ATRN: variants seen among roughly 807,000 people sequenced by gnomAD.
ATRN encodes attractin.
In ATRN, 54 loss-of-function variants were observed where a neutral mutation model predicts 178.7. The ratio of observed to expected loss-of-function variants is 0.30; its 90% CI spans 0.24 to 0.38. ATRN has a LOEUF of 0.38. ATRN is among the 10% of genes least tolerant of loss of function. ATRN has a pLI of 1.00. For synonymous variants in ATRN, 636 were observed against 663.0 expected, an observed-to-expected ratio of 0.96 and a Z score of 0.63; for missense variants, 1,443 against 1,815.1, an observed-to-expected ratio of 0.79 and a Z score of 3.73.
chr20:3,524,376 A>G (rs901712091), intron 1 of ATRN, among the ~76,000 whole-genome samples: 1 of 152,202 alleles, frequency 6.6e-6, no homozygotes, highest in Non-Finnish European at 1.5e-5. Context: ...TATGCTAAAT[A>G]TATATGCACC....
chr20:3,527,945 G>A (rs1281481029), intron 1 of ATRN, among the ~76,000 whole-genome samples: 1 of 152,108 alleles, frequency 6.6e-6, no homozygotes, highest in East Asian at 1.9e-4. Context: ...GGGAGGGACA[G>A]CATTAGGAGA....
intron 25 of ATRN, among the ~76,000 whole-genome samples, chr20:3,631,431 C>T (rs1226967450): frequency 6.6e-6 from 1 of 152,030 alleles, no homozygotes; most frequent in Non-Finnish European, 1.5e-5. Context: ...TTTCCAGACT[C>T]CGGGCACAGA....
At chr20:3,615,998 C>G (rs376376883) in intron 24 of ATRN, 1 of 190,152 alleles carries the variant, frequency 5.3e-6, no homozygotes, top group African/African-American at 2.5e-5. Flanking sequence ...ACATATGTAA[C>G]AAACCTGCAT....
chr20:3,624,980 A>T (rs1472324548), intron 25 of ATRN, among the ~76,000 whole-genome samples: 2 of 152,210 alleles, frequency 1.3e-5, no homozygotes, highest in Non-Finnish European at 2.9e-5. Context: ...TTTAAAGCTG[A>T]AAGTGATTTT....
At chr20:3,566,273 A>G (rs1005946439) in intron 11 of ATRN, among the ~76,000 whole-genome samples, 1 of 152,302 alleles carries the variant, frequency 6.6e-6, no homozygotes, top group East Asian at 1.9e-4. Flanking sequence ...TTATCGCTCA[A>G]AAATGCCTGG....
intron 1 of ATRN, chr20:3,490,764 T>G (rs994705326): frequency 1.3e-6 from 1 of 790,248 alleles, no homozygotes; most frequent in Non-Finnish European, 2.3e-6. Context: ...GAGTCTATTA[T>G]AGAATTCAGC....
chr20:3,629,068 T>C (rs1307189395), intron 25 of ATRN: 32 of 985,172 alleles, frequency 3.2e-5, no homozygotes, highest in Non-Finnish European at 3.7e-5. Flanking sequence ...TTCTCTTGCT[T>C]TCACTCAGCA....
chr20:3,487,138 T>G (rs1448607791), intron 1 of ATRN, among the ~76,000 whole-genome samples: 1 of 152,234 alleles, frequency 6.6e-6, no homozygotes, highest in African/African-American at 2.4e-5. Flanking sequence ...ATTTTTAATT[T>G]CTAGAGGTTT....
chr20:3,592,438 T>G (rs924361602), intron 19 of ATRN: 22 of 983,522 alleles, frequency 2.2e-5, no homozygotes, highest in Non-Finnish European at 2.3e-5. Context: ...GTCCTGTGTT[T>G]CCCCATTTAT....
At position 3,638,634 on chromosome 20, in the gene ATRN, T is replaced by C. The variant is rs183908042; in HGVS notation, c.3943-194T>C. Reference sequence around the variant, plus strand: ...CTCTGACAGGGGCTTTTAAAAAATATAAGGACAATGGTGTTATCACATCCA... The same window carrying C: ...CTCTGACAGGGGCTTTTAAAAAATACAAGGACAATGGTGTTATCACATCCA... On this transcript the variant is annotated intron_variant, in intron 26 of 28. Transcript: ENST00000262919. This position sits in a 1 kb window ranked among gnomAD's most constrained non-coding sequence, Gnocchi z 4.5. Among the ~76,000 whole-genome samples the C allele has an allele frequency of 3.3e-5, 5 of 152,180 alleles. No individual in the cohort carries two copies. Among genetic ancestry groups the C allele is most frequent in the African/African-American group, 9.7e-5 (4 of 41,424 alleles).
chr20:3,488,259 C>T (rs2084725422), intron 1 of ATRN, among the ~76,000 whole-genome samples: 1 of 152,016 alleles, frequency 6.6e-6, no homozygotes, highest in South Asian at 2.1e-4. Flanking sequence ...TTGTTGAAAT[C>T]TTTCCCTATT....
chr20:3,490,993 G>C lies in ATRN; in HGVS notation c.410+19476G>C. On this transcript the variant is annotated intron_variant, in intron 1 of 28. Transcript: ENST00000262919. The stretch of plus-strand genomic sequence containing the variant: ...TCATGATAGCGCCGCTGCTGCTCCA[G>C]TATTGTCTCCATCTTCCTTTAGCCG... The C allele has an allele frequency of 1.2e-5, 18 of 1,524,746 alleles. No homozygotes were observed. The South Asian group carries it at 1.9e-4, about 16-fold the overall frequency. The allele number at this position is 1,524,746 out of a possible 1,614,324, so 94.5% of individuals were successfully genotyped here.
In ATRN at chr20:3,584,677, G is replaced by C. The variant is rs571071214; in HGVS notation, c.2981G>C (p.Ser994Thr). Residue 994 changes from serine to threonine, a missense_variant, in exon 18 of 29, where the codon AGT becomes ACT. Around this residue, in one of 4 missense-constraint regions of ATRN, gnomAD observed 212 missense variants for 330.7 expected, o/e 0.64. Transcript: ENST00000262919. Reference sequence around the variant, plus strand: ...AATTGTTCAGGCTACTGTACCTGTAGTCATTGCTTGGAGCAACCAGGCTGT... The same window carrying C: ...AATTGTTCAGGCTACTGTACCTGTACTCATTGCTTGGAGCAACCAGGCTGT... ...PENCSGYCTC[S>T]HCLEQPGCGW... 1.9e-6 allele frequency: 3 copies of C among 1,613,676 alleles called. No individual in the cohort carries two copies.
chr20:3,590,720 T>A (rs544250457), intron 18 of ATRN, among the ~76,000 whole-genome samples: 8 of 152,156 alleles, frequency 5.3e-5, no homozygotes, highest in Non-Finnish European at 8.8e-5. Flanking sequence ...GGTGGTAAAA[T>A]AGTTGTGATC....
In ATRN at chr20:3,605,154, A is replaced by C. The variant is rs541737636; in HGVS notation, c.3801+892A>C. ...GCAAGTCACCACAAACATATGAAAA[A>C]AGTTCAACATCACTGATCATTAGAG... is the stretch of plus-strand genomic sequence containing the variant. On this transcript the variant is annotated intron_variant, in intron 24 of 28. Transcript: ENST00000262919. 2.0e-5 allele frequency among the ~76,000 whole-genome samples: 3 copies of C among 152,310 alleles called. No individual in the cohort carries two copies. In the South Asian group the frequency reaches 6.2e-4, roughly 32 times the overall value.
intron 1 of ATRN, among the ~76,000 whole-genome samples, chr20:3,527,034 A>T: frequency 6.6e-6 from 1 of 152,198 alleles, no homozygotes. Flanking sequence ...AGACTTCATG[A>T]CTAAAACACC....
chr20:3,613,646 A>G (rs2086797134), intron 24 of ATRN, among the ~76,000 whole-genome samples: 2 of 152,254 alleles, frequency 1.3e-5, no homozygotes, highest in Non-Finnish European at 2.9e-5. Context: ...CTTTCGATGC[A>G]GGCAAAGCCG....
intron 6 of ATRN, among the ~76,000 whole-genome samples, chr20:3,558,716 C>T (rs1245848855): frequency 2.0e-5 from 3 of 151,800 alleles, no homozygotes; most frequent in Non-Finnish European, 4.4e-5. Context: ...TGGTTACATT[C>T]TTTATAATGA....
chr20:3,579,359 G>A (rs1255541230), intron 15 of ATRN, among the ~76,000 whole-genome samples: 3 of 152,054 alleles, frequency 2.0e-5, no homozygotes, highest in South Asian at 2.1e-4. Context: ...GGTGGTGTGC[G>A]CCTGTAATCC....
Sources: gnomAD v4.1 joint callset for allele counts (sites outside exome capture counted in the v4.1 genomes callset) on GRCh38, gnomAD v4.1.1 for gene constraint, gnomAD v4.1.1 regional missense constraint, Gnocchi (gnomAD v3.1) non-coding constraint, MANE v1.5 for transcripts, NCBI Gene and HGNC (gene_info 2026-07-23, HGNC 2026-07-21) for gene names.